The following ERGIC3 variants were observed in gnomAD, a reference collection of about 807,000 sequenced individuals.
The protein encoded by ERGIC3 is endoplasmic reticulum-Golgi intermediate compartment protein 3.
In ERGIC3, 33 loss-of-function variants were observed where a neutral mutation model predicts 54.7. The ratio of observed to expected loss-of-function variants is 0.60; its 90% CI spans 0.46 to 0.81. ERGIC3 has a LOEUF of 0.81. Ranked by LOEUF, ERGIC3 falls within the 30% of genes least tolerant of loss-of-function variation. The probability of loss-of-function intolerance (pLI) is 0.00; values close to 1 mark genes in which losing one functional copy is unlikely to be tolerated. For missense variants in ERGIC3, 399 were observed against 488.4 expected (o/e 0.82, Z 1.73); for synonymous variants, 186 against 189.8 (o/e 0.98, Z 0.16).
chr20:35,554,252 C>A, intron 7 of ERGIC3: 1 of 1,338,152 alleles, frequency 7.5e-7, no homozygotes, highest in Non-Finnish European at 1.1e-6. Flanking sequence ...TAGCTGGGGC[C>A]AGACTGTGTT....
intron 7 of ERGIC3, among the ~76,000 whole-genome samples, chr20:35,552,463 A>G (rs949529087): frequency 3.3e-5 from 5 of 152,206 alleles, no homozygotes; most frequent in African/African-American, 7.2e-5. Flanking sequence ...GAACATTGCA[A>G]TTGCATGGGG....
rs574293663 is a variant in ERGIC3, at chr20:35,556,894, A to T, written c.880-79A>T. 2.6e-5 allele frequency: 41 copies of T among 1,590,934 alleles called. 1 individual carries two copies. The Middle Eastern group carries it at 1.2e-3, about 45-fold the overall frequency. ...CGGCCAAGGCTCAACAGGAAAGGGGAAGGAGCAGGGGTGGGGCTGATGGTG... is the reference window on the plus strand; with the variant it reads ...CGGCCAAGGCTCAACAGGAAAGGGGTAGGAGCAGGGGTGGGGCTGATGGTG... On this transcript the variant is annotated intron_variant, in intron 10 of 12. Transcript: ENST00000348547.
In ERGIC3 at chr20:35,557,231, A is replaced by C. The variant is rs1396362575; in HGVS notation, c.1054A>C (p.Ile352Leu). Residue 352 changes from isoleucine (I) to leucine (L), a missense_variant, in exon 12 of 13, where the codon ATT (isoleucine) becomes CTT (leucine). Transcript: ENST00000348547. ...CTTCCTGACAGGTGTGTGCGCCATCATTGGGGGCATGTTCACAGGTAAGAG... is the reference window on the plus strand; with the variant it reads ...CTTCCTGACAGGTGTGTGCGCCATCCTTGGGGGCATGTTCACAGGTAAGAG... ...THFLTGVCAI[I>L]GGMFTVAGLI... is the part of the protein sequence containing the mutation. The C allele has an allele frequency of 6.2e-7, 1 of 1,613,970 alleles. No individual in the cohort carries two copies. The highest frequency in any genetic ancestry group is 1.1e-5 in the South Asian group (1 of 91,066).
chr20:35,543,722 G>A lies in ERGIC3; in HGVS notation c.367+781G>A, dbSNP rs143008093. On this transcript the variant is annotated intron_variant, in intron 4 of 12. Coordinates refer to ENST00000348547, the MANE Select transcript of ERGIC3 (RefSeq NM_015966.3). ...CTATAGGACTGGATGTGGAGTGGAGGAGAGCAAAGTCATGGTTGTTGATTC... is the reference window on the plus strand; with the variant it reads ...CTATAGGACTGGATGTGGAGTGGAGAAGAGCAAAGTCATGGTTGTTGATTC... 2.1e-4 allele frequency: 97 copies of A among 470,852 alleles called. 1 individual carries two copies. The highest frequency in any genetic ancestry group is 1.7e-3 in the African/African-American group (83 of 50,184). The allele number at this position is 470,852 out of a possible 1,614,324, so 29.2% of individuals were successfully genotyped here. A position where few individuals can be genotyped will look rare whatever the true frequency, so the allele number is the denominator to read the frequency against.
In ERGIC3 at chr20:35,548,836, G is replaced by A; in HGVS notation, c.656G>A (p.Gly219Glu). 1 of 1,614,204 alleles carries A rather than the reference G, an allele frequency of 6.2e-7. No homozygotes were observed. Among genetic ancestry groups the A allele is most frequent in the Non-Finnish European group, 8.5e-7 (1 of 1,180,036 alleles). ...KVAGNFHFAP[G>E]KSFQQSHVHV... The stretch of plus-strand genomic sequence containing the variant: ...GCCGGAAACTTCCACTTTGCCCCTG[G>A]GAAGAGCTTCCAGCAGTCCCATGTG... The change falls in exon 7 of 13, where the codon GGG becomes GAG. Residue 219 changes from glycine to glutamate, a missense_variant. Transcript: ENST00000348547.
Position 35,547,523 on chromosome 20 carries a change from G to T in ERGIC3, c.461+18G>T, listed in dbSNP as rs201714249. 6.2e-7 allele frequency: 1 copy of T among 1,610,610 alleles called. No individual in the cohort carries two copies. The highest frequency in any genetic ancestry group is 1.1e-5 in the South Asian group (1 of 90,952). On this transcript the variant is annotated intron_variant, in intron 5 of 12. Coordinates refer to ENST00000348547, the MANE Select transcript of ERGIC3 (RefSeq NM_015966.3). ...GATATCAAGTGAGCTGGCGGGGAGC[G>T]GGAGCAGGGTTCCCATCAGGCGCCA...
intron 7 of ERGIC3, 64 bp downstream of exon 7, chr20:35,548,929 G>A: frequency 6.4e-7 from 1 of 1,570,470 alleles, no homozygotes; most frequent in Non-Finnish European, 8.8e-7. Context: ...AGCTTGAGTG[G>A]TCCTCTTCTG....
In ERGIC3 at chr20:35,548,865, G is replaced by C; in HGVS notation, c.685G>C (p.Val229Leu). 1 of 1,614,148 alleles carries C rather than the reference G, an allele frequency of 6.2e-7. No homozygotes were observed. Among genetic ancestry groups the C allele is most frequent in the Non-Finnish European group, 8.5e-7 (1 of 1,180,024 alleles). Residue 229 changes from valine to leucine, a missense_variant and splice_region_variant, in exon 7 of 13, where the codon GTC (valine) becomes CTC (leucine). Val to Leu is a conservative substitution (Grantham distance 32). Transcript: ENST00000348547. ...GAGCTTCCAGCAGTCCCATGTGCAC[G>C]GTGAGTGATCTGCACTAGCTGGGGA... ...GKSFQQSHVH[V>L]HDLQSFGLDN...
intron 4 of ERGIC3, chr20:35,543,941 T>C (rs1390250552): frequency 3.0e-6 from 1 of 331,890 alleles, no homozygotes; most frequent in Admixed American, 3.9e-5. Flanking sequence ...AGTGGCTTGT[T>C]TGGGTGATTC....
At chr20:35,550,703 C>T (rs921519750) in intron 7 of ERGIC3, among the ~76,000 whole-genome samples, 2 of 152,276 alleles carry the variant, frequency 1.3e-5, no homozygotes, top group South Asian at 4.1e-4. Context: ...CGTTACTCTG[C>T]ATGAGATGAG....
chr20:35,551,518 A>G (rs1357159359), intron 7 of ERGIC3, among the ~76,000 whole-genome samples: 2 of 152,178 alleles, frequency 1.3e-5, no homozygotes, highest in Admixed American at 6.5e-5. Context: ...AGATGTTGGC[A>G]TCATCAGCAT....
intron 12 of ERGIC3, 55 bp from the exon 13 acceptor site, chr20:35,557,370 G>C: frequency 6.2e-7 from 1 of 1,609,336 alleles, no homozygotes; most frequent in Non-Finnish European, 8.5e-7. Context: ...AAGGCTCTCA[G>C]CGTCAAAAGC....
rs1184279749 is a variant in ERGIC3, at chr20:35,547,516, G to A, written c.461+11G>A. 6.8e-6 allele frequency: 11 copies of A among 1,612,722 alleles called. No homozygotes were observed. The highest frequency in any genetic ancestry group is 9.3e-6 in the Non-Finnish European group (11 of 1,179,120). Reference sequence around the variant, plus strand: ...GGCAGAAGATATCAAGTGAGCTGGCGGGGAGCGGGAGCAGGGTTCCCATCA... The same window carrying A: ...GGCAGAAGATATCAAGTGAGCTGGCAGGGAGCGGGAGCAGGGTTCCCATCA... On this transcript the variant is annotated intron_variant, in intron 5 of 12. Coordinates refer to ENST00000348547, the MANE Select transcript of ERGIC3 (RefSeq NM_015966.3).
At chr20:35,553,815 A>T (rs1019167065) in intron 7 of ERGIC3, among the ~76,000 whole-genome samples, 6 of 152,226 alleles carry the variant, frequency 3.9e-5, no homozygotes, top group Non-Finnish European at 8.8e-5. Flanking sequence ...CTCAGTAGAC[A>T]CACAGCCAGA....
chr20:35,557,369 A>G (rs2064720365), intron 12 of ERGIC3, 56 bp from the exon 13 acceptor site: 10 of 1,608,670 alleles, frequency 6.2e-6, no homozygotes, highest in Non-Finnish European at 7.7e-6. Context: ...CAAGGCTCTC[A>G]GCGTCAAAAG....
intron 4 of ERGIC3, among the ~76,000 whole-genome samples, chr20:35,545,717 G>T (rs1296853568): frequency 1.3e-5 from 2 of 152,172 alleles, no homozygotes; most frequent in African/African-American, 4.8e-5. Context: ...CTAGGAAGTG[G>T]GGATCATTGA....
intron 7 of ERGIC3, among the ~76,000 whole-genome samples, chr20:35,552,559 G>C (rs1374624312): frequency 6.6e-6 from 1 of 152,194 alleles, no homozygotes; most frequent in Non-Finnish European, 1.5e-5. Flanking sequence ...ATATGAGCTA[G>C]GAAAGGAGGA....
intron 7 of ERGIC3, chr20:35,554,452 G>A (rs996844344): frequency 2.4e-5 from 39 of 1,597,300 alleles, no homozygotes; most frequent in Non-Finnish European, 3.2e-5. Context: ...TACTAGAATG[G>A]CGGGGAGGTT....
rs149477193 is a variant in ERGIC3, at chr20:35,542,370, C to T, written c.136C>T (p.Leu46=). ...LLMLLLFLSE[L]QYYLTTEVHP... is the part of the protein sequence containing the mutation. ...CATGCTGCTACTGTTCCTGTCCGAG[C>T]TGCAGTATTACCTCACCACGGAGGT... Residue 46 remains leucine (L), a synonymous_variant, in exon 2 of 13, where the codon CTG becomes TTG. Coordinates refer to ENST00000348547, the MANE Select transcript of ERGIC3 (RefSeq NM_015966.3). The T allele has an allele frequency of 1.2e-5, 19 of 1,613,684 alleles. No individual in the cohort carries two copies. The African/African-American group carries it at 2.3e-4, about 19-fold the overall frequency.
Sources: allele counts gnomAD v4.1 joint callset (sites outside exome capture counted in the v4.1 genomes callset), GRCh38; gene constraint gnomAD v4.1.1; transcripts MANE v1.5; gene names NCBI Gene and HGNC (gene_info 2026-07-23, HGNC 2026-07-21).